The following AFDN variants were observed in gnomAD, a reference collection of about 807,000 sequenced individuals.
AFDN encodes afadin, adherens junction formation factor.
Under a neutral mutation model 216.6 loss-of-function variants are expected in AFDN, and 68 were observed. The observed-to-expected ratio is 0.31, with a 90% CI of 0.26 to 0.38. The LOEUF (loss-of-function observed/expected upper bound fraction) is 0.38, where lower values mean the gene tolerates loss of function less well. Among genes scored for constraint, AFDN ranks in the 10% least tolerant of loss-of-function variants. The pLI is 1.00. For missense variants in AFDN, 2,136 were observed against 2,342.0 expected (o/e 0.91, Z 1.82); for synonymous variants, 868 against 853.7 (o/e 1.02, Z -0.29).
At chr6:167,901,541 T>A (rs1286422329) in intron 11 of AFDN, among the ~76,000 whole-genome samples, 1 of 152,222 alleles carries the variant, frequency 6.6e-6, no homozygotes, top group Non-Finnish European at 1.5e-5. Context: ...ATGCTAACAT[T>A]ATCAAAAATG....
In AFDN at chr6:167,952,112, TGAC is replaced by T. The variant is rs778254814; in HGVS notation, c.4761_4763del (p.Asp1587del). ...AGGAGTCGAAGCAGAAGGACGAAGATGACGAGGAGGAGGAGGACGATGATGTGG... is the reference window on the plus strand; with the variant it reads ...AGGAGTCGAAGCAGAAGGACGAAGATGAGGAGGAGGAGGACGATGATGTGG... On this transcript the variant is annotated inframe_deletion, in exon 30 of 34. Transcript: ENST00000683244. The T allele has an allele frequency of 5.0e-6, 8 of 1,613,958 alleles. No individual in the cohort carries two copies. The highest frequency in any genetic ancestry group is 5.9e-6 in the Non-Finnish European group (7 of 1,179,980).
At chr6:167,949,799 G>T (rs1286074524) in intron 29 of AFDN, among the ~76,000 whole-genome samples, 2 of 152,052 alleles carry the variant, frequency 1.3e-5, no homozygotes, top group Non-Finnish European at 2.9e-5. Context: ...TGTTGTGTGG[G>T]GCTGGCATTA....
chr6:167,880,546 TTTCTAC>T (rs1334597085), intron 6 of AFDN, 29 bp downstream of exon 6: 1 of 1,599,990 alleles, frequency 6.3e-7, no homozygotes, highest in East Asian at 2.2e-5. Flanking sequence ...TCAGTAGTTC[TTTCTAC>T]TTCACATTTA....
At chr6:167,952,661 G>A (rs1279466948) in intron 30 of AFDN, 1 of 201,888 alleles carries the variant, frequency 5.0e-6, no homozygotes, top group East Asian at 1.9e-4. Context: ...GTGTGTCTCT[G>A]TACCAATAAA....
intron 9 of AFDN, among the ~76,000 whole-genome samples, chr6:167,895,598 T>C (rs1414442261): frequency 6.6e-6 from 1 of 152,230 alleles, no homozygotes; most frequent in African/African-American, 2.4e-5. Flanking sequence ...GTCATTAGAA[T>C]GTAACTTTGT....
intron 23 of AFDN, among the ~76,000 whole-genome samples, chr6:167,929,187 A>G (rs903967674): frequency 2.0e-5 from 3 of 152,106 alleles, no homozygotes; most frequent in African/African-American, 7.2e-5. Context: ...ATTACTGCCT[A>G]TCGTGTGAAA....
At chr6:167,943,041 G>A in intron 23 of AFDN, 88 bp from the exon 24 acceptor site, 1 of 953,964 alleles carries the variant, frequency 1.0e-6, no homozygotes, top group South Asian at 1.7e-5. Flanking sequence ...TACATGTTGG[G>A]TGGTTTTATT....
chr6:167,938,434 TAG>T (rs948912417), intron 23 of AFDN, among the ~76,000 whole-genome samples: 1 of 152,142 alleles, frequency 6.6e-6, no homozygotes, highest in Non-Finnish European at 1.5e-5. Flanking sequence ...TGATTGGATT[TAG>T]AGAGACCAGA....
chr6:167,943,835 G>C, intron 25 of AFDN, 106 bp from the exon 26 acceptor site: 1 of 955,304 alleles, frequency 1.0e-6, no homozygotes, highest in Non-Finnish European at 1.6e-6. Flanking sequence ...CAAAATAATA[G>C]ATGAAGCTGT....
intron 30 of AFDN, among the ~76,000 whole-genome samples, chr6:167,959,368 C>G (rs991955360): frequency 5.3e-5 from 8 of 152,154 alleles, no homozygotes; most frequent in Admixed American, 5.2e-4. Context: ...ATGAGGAAAT[C>G]GGTCCCTAAG....
chr6:167,833,590 T>C (rs571805175), intron 1 of AFDN, among the ~76,000 whole-genome samples: 1 of 152,336 alleles, frequency 6.6e-6, no homozygotes, highest in African/African-American at 2.4e-5. Context: ...AGTGGTACTT[T>C]CCATTGTGGT....
chr6:167,886,335 T>C (rs1355093953), intron 6 of AFDN, among the ~76,000 whole-genome samples: 35 of 152,184 alleles, frequency 2.3e-4, no homozygotes, highest in Admixed American at 2.2e-3. Context: ...AATTTTAAAA[T>C]TTATACTTTA....
chr6:167,898,621 T>A (rs1788569612), intron 11 of AFDN, among the ~76,000 whole-genome samples, 154 bp downstream of exon 11: 1 of 152,256 alleles, frequency 6.6e-6, no homozygotes, highest in African/African-American at 2.4e-5. Context: ...TAACTTGGGT[T>A]GGTTTTAGAG....
intron 8 of AFDN, among the ~76,000 whole-genome samples, chr6:167,891,549 A>C (rs1787613958): frequency 6.6e-6 from 1 of 152,062 alleles, no homozygotes; most frequent in Admixed American, 6.6e-5. Context: ...ATTTGATTTT[A>C]AAGTAACAGA....
At chr6:167,914,442 ATT>A in intron 17 of AFDN, 129 bp downstream of exon 17, 1 of 1,226,848 alleles carries the variant, frequency 8.2e-7, no homozygotes. Flanking sequence ...AGAAGCATAC[ATT>A]TTTGCAAAAT....
Position 167,911,477 on chromosome 6 carries a change from G to T in AFDN, c.2025G>T (p.Glu675Asp). The T allele has an allele frequency of 6.2e-7, 1 of 1,614,112 alleles. No homozygotes were observed. The highest frequency in any genetic ancestry group is 8.5e-7 in the Non-Finnish European group (1 of 1,179,986). ...AVVNKMVSMM[E>D]GVIQEVDQVD... ...TCAACAAGATGGTGAGCATGATGGA[G>T]GGTGTCATCCAGGTACGTTCCAGCC... Residue 675 changes from glutamate (E) to aspartate (D), a missense_variant, in exon 15 of 34, where the codon GAG becomes GAT. Physicochemically the swap from Glu to Asp is conservative, Grantham distance 45. This residue lies in a region of AFDN where 817 missense variants were observed against 965.7 expected (regional missense o/e 0.85). Transcript: ENST00000683244.
intron 12 of AFDN, among the ~76,000 whole-genome samples, chr6:167,903,991 G>T (rs1310425158): frequency 6.6e-6 from 1 of 152,148 alleles, no homozygotes; most frequent in African/African-American, 2.4e-5. Context: ...CCTAGTAGTG[G>T]TTTCTCCTTG....
At chr6:167,828,860 TTTGAA>T (rs1779519237) in intron 1 of AFDN, among the ~76,000 whole-genome samples, 1 of 151,580 alleles carries the variant, frequency 6.6e-6, no homozygotes, top group African/African-American at 2.4e-5. Flanking sequence ...TTTTTGGGAT[TTTGAA>T]TTGAGTTAGC....
chr6:167,902,997 A>G (rs1789183900), intron 12 of AFDN, among the ~76,000 whole-genome samples: 1 of 152,196 alleles, frequency 6.6e-6, no homozygotes, highest in Admixed American at 6.5e-5. Context: ...TCTCCTGTGT[A>G]GTTAGCCTTG....
Sources: gnomAD v4.1 joint callset for allele counts (sites outside exome capture counted in the v4.1 genomes callset) on GRCh38, gnomAD v4.1.1 for gene constraint, gnomAD v4.1.1 regional missense constraint, MANE v1.5 for transcripts, NCBI Gene and HGNC (gene_info 2026-07-23, HGNC 2026-07-21) for gene names.